Variants in ATP2B2 observed in about 807,000 individuals in gnomAD.
ATP2B2 encodes the protein plasma membrane calcium-transporting ATPase 2.
Under a neutral mutation model 120.0 loss-of-function variants are expected in ATP2B2, and 15 were observed. That is an observed-to-expected ratio of 0.12 (90% CI 0.08 to 0.19). ATP2B2 has a LOEUF of 0.19. ATP2B2 is among the 10% of genes least tolerant of loss of function. The probability of loss-of-function intolerance (pLI) is 1.00; values close to 1 mark genes in which losing one functional copy is unlikely to be tolerated. For synonymous variants in ATP2B2, 694 were observed against 700.3 expected (o/e 0.99, Z 0.14); for missense variants, 1,045 against 1,719.8 (o/e 0.61, Z 6.94).
intron 2 of ATP2B2, among the ~76,000 whole-genome samples, chr3:10,610,888 G>C (rs921239511): frequency 2.0e-5 from 3 of 152,196 alleles, no homozygotes; most frequent in African/African-American, 4.8e-5. Context: ...CCAAGAGACT[G>C]TGTCAAGCCC....
intron 2 of ATP2B2, among the ~76,000 whole-genome samples, chr3:10,603,772 C>G (rs2068989201): frequency 6.6e-6 from 1 of 152,042 alleles, no homozygotes; most frequent in Non-Finnish European, 1.5e-5. Flanking sequence ...CATTACATAT[C>G]AATCCACCTT....
intron 3 of ATP2B2, among the ~76,000 whole-genome samples, chr3:10,408,277 C>T (rs913431326): frequency 3.3e-5 from 5 of 152,196 alleles, no homozygotes; most frequent in Non-Finnish European, 5.9e-5. Flanking sequence ...GCCAAGAAGG[C>T]CACATAACTG....
intron 2 of ATP2B2, among the ~76,000 whole-genome samples, chr3:10,556,719 TTC>T (rs1424619913): frequency 6.6e-6 from 1 of 152,262 alleles, no homozygotes; most frequent in African/African-American, 2.4e-5. Flanking sequence ...TGAAATGTTA[TTC>T]TGTCATTTAT....
intron 2 of ATP2B2, among the ~76,000 whole-genome samples, chr3:10,562,469 T>C (rs2067923762): frequency 6.6e-6 from 1 of 152,032 alleles, no homozygotes; most frequent in South Asian, 2.1e-4. Flanking sequence ...AGTCTATGGG[T>C]CTTCTCTTGC....
intron 2 of ATP2B2, among the ~76,000 whole-genome samples, chr3:10,443,519 A>G (rs561786499): frequency 5.3e-5 from 8 of 152,176 alleles, no homozygotes; most frequent in East Asian, 1.9e-4. Context: ...TGGCTGCCGC[A>G]TTGACCGGGA....
At position 10,692,929 on chromosome 3, in the gene ATP2B2, T is replaced by C. The variant is rs2071690739; in HGVS notation, c.-460+14986A>G. Reference sequence around the variant, plus strand: ...ACTGGGCCTTACTCACTGGCAGCCCTGGATCCTGCAACAGGCTCTTCTGCT... The same window carrying C: ...ACTGGGCCTTACTCACTGGCAGCCCCGGATCCTGCAACAGGCTCTTCTGCT... On this transcript the variant is annotated intron_variant, in intron 1 of 21. Transcript: ENST00000646379. 2.0e-5 allele frequency among the ~76,000 whole-genome samples: 3 copies of C among 152,196 alleles called. No homozygotes were observed. The South Asian group carries it at 6.2e-4, about 32-fold the overall frequency.
intron 2 of ATP2B2, among the ~76,000 whole-genome samples, chr3:10,597,358 C>G (rs1273263683): frequency 1.3e-5 from 2 of 151,506 alleles, no homozygotes; most frequent in South Asian, 2.1e-4. Flanking sequence ...GGCACCTAGG[C>G]ACACACACAC....
At chr3:10,478,553 C>G (rs1024951156) in intron 1 of ATP2B2, among the ~76,000 whole-genome samples, 59 of 152,138 alleles carry the variant, frequency 3.9e-4, no homozygotes, top group African/African-American at 1.4e-3. Flanking sequence ...AACCTCTAAG[C>G]TTTCCCATCC....
chr3:10,568,289 T>C (rs2068052455), intron 2 of ATP2B2, among the ~76,000 whole-genome samples: 1 of 152,168 alleles, frequency 6.6e-6, no homozygotes, highest in Admixed American at 6.5e-5. Flanking sequence ...GCCAGCTTGC[T>C]CATCCAGTGC....
intron 9 of ATP2B2, 66 bp downstream of exon 9, chr3:10,379,177 T>C: frequency 1.9e-6 from 3 of 1,545,254 alleles, no homozygotes; most frequent in Non-Finnish European, 2.7e-6. Context: ...GTCTCTGGTG[T>C]GACTGTCAGA....
Position 10,614,088 on chromosome 3 carries a change from CCT to C in ATP2B2, c.-415+5827_-415+5828del, listed in dbSNP as rs552692736. On this transcript the variant is annotated intron_variant, in intron 2 of 21. Coordinates refer to the ATP2B2 transcript ENST00000646379. ...TATAAAGTAGCCCCTCCCCCTCTCT[CCT>C]CTCACCCAGCTGTATTCTCCTTGAC... is the stretch of plus-strand genomic sequence containing the variant. 2.0e-3 allele frequency among the ~76,000 whole-genome samples: 298 copies of C among 152,204 alleles called. 2 individuals are homozygous for C. The highest frequency in any genetic ancestry group is 6.2e-3 in the African/African-American group (257 of 41,542).
chr3:10,550,647 C>T (rs1324630866), intron 2 of ATP2B2, among the ~76,000 whole-genome samples: 7 of 152,152 alleles, frequency 4.6e-5, no homozygotes, highest in East Asian at 3.8e-4. Flanking sequence ...ATCCATTTCA[C>T]GGGAACCCTG....
intron 3 of ATP2B2, among the ~76,000 whole-genome samples, chr3:10,517,194 G>A (rs1363954437): frequency 6.6e-6 from 1 of 152,214 alleles, no homozygotes; most frequent in African/African-American, 2.4e-5. Flanking sequence ...CACAGCCCTG[G>A]AACTCCTAAC....
intron 1 of ATP2B2, among the ~76,000 whole-genome samples, chr3:10,479,750 A>G (rs2065336730): frequency 6.6e-6 from 1 of 152,148 alleles, no homozygotes; most frequent in Admixed American, 6.5e-5. Context: ...CAAGTAGTTC[A>G]AGGAGGAAAG....
chr3:10,454,599 T>C (rs2064186842), intron 1 of ATP2B2, among the ~76,000 whole-genome samples: 1 of 152,244 alleles, frequency 6.6e-6, no homozygotes, highest in East Asian at 1.9e-4. Context: ...CATTTTGTTT[T>C]TTCATTCCAA....
At chr3:10,531,731 G>A (rs1222589383) in intron 3 of ATP2B2, among the ~76,000 whole-genome samples, 2 of 152,184 alleles carry the variant, frequency 1.3e-5, no homozygotes, top group Non-Finnish European at 2.9e-5. Flanking sequence ...TAACAAAATT[G>A]TACATGCCAC....
intron 2 of ATP2B2, among the ~76,000 whole-genome samples, chr3:10,605,171 A>T (rs894669004): frequency 7.2e-5 from 11 of 152,224 alleles, no homozygotes; most frequent in African/African-American, 2.7e-4. Flanking sequence ...CTACTTCACA[A>T]AATGGGTCTT....
In ATP2B2 at chr3:10,361,444, A is replaced by G. The variant is rs191918575; in HGVS notation, c.1660-1321T>C. 7.6e-3 allele frequency among the ~76,000 whole-genome samples: 1,154 copies of G among 152,202 alleles called. 43 individuals are homozygous for G. Among genetic ancestry groups the G allele is most frequent in the Non-Finnish European group, 3.7e-3 (253 of 68,008 alleles). ...GCTGCAAAGACTTATCCCTTCCCTGAGTGCCTCCCTTATTTCCTTCTCCCC... is the reference window on the plus strand; with the variant it reads ...GCTGCAAAGACTTATCCCTTCCCTGGGTGCCTCCCTTATTTCCTTCTCCCC... On this transcript the variant is annotated intron_variant, in intron 12 of 22. Coordinates refer to ENST00000360273, the MANE Select transcript of ATP2B2 (RefSeq NM_001001331.4).
At chr3:10,400,854 G>T in intron 5 of ATP2B2, 99 bp downstream of exon 5, 1 of 1,571,478 alleles carries the variant, frequency 6.4e-7, no homozygotes, top group African/African-American at 1.4e-5. Context: ...CAGAGCCAAG[G>T]ATCAAAGTCT....
Sources: gnomAD v4.1 joint callset for allele counts (sites outside exome capture counted in the v4.1 genomes callset) on GRCh38, gnomAD v4.1.1 for gene constraint, MANE v1.5 for transcripts, NCBI Gene and HGNC (gene_info 2026-07-23, HGNC 2026-07-21) for gene names.